Variants in PAM observed in about 807,000 individuals in gnomAD.
PAM encodes the protein peptidyl-glycine alpha-amidating monooxygenase.
Under a neutral mutation model 122.1 loss-of-function variants are expected in PAM, and 72 were observed. That is an observed-to-expected ratio of 0.59 (90% CI 0.49 to 0.72). The LOEUF (loss-of-function observed/expected upper bound fraction) is 0.72. PAM is among the 30% of genes least tolerant of loss of function. The probability of loss-of-function intolerance (pLI) is 0.00; values close to 1 mark genes in which losing one functional copy is unlikely to be tolerated. For synonymous variants in PAM, 389 were observed against 404.4 expected (o/e 0.96, Z 0.46); for missense variants, 1,106 against 1,183.7 (o/e 0.93, Z 0.96).
intron 14 of PAM, among the ~76,000 whole-genome samples, chr5:102,963,323 T>A (rs1181580905): frequency 2.0e-5 from 3 of 151,942 alleles, no homozygotes; most frequent in South Asian, 4.1e-4. Flanking sequence ...GCTGAAAGAG[T>A]ATTTCATTCT....
intron 1 of PAM, among the ~76,000 whole-genome samples, chr5:102,847,772 T>C (rs1780307192): frequency 6.6e-6 from 1 of 152,116 alleles, no homozygotes; most frequent in Non-Finnish European, 1.5e-5. Flanking sequence ...GGTGGAAATA[T>C]CCTAAAGAAA....
intron 16 of PAM, among the ~76,000 whole-genome samples, chr5:102,992,583 C>T (rs1774445270): frequency 6.6e-6 from 1 of 152,104 alleles, no homozygotes; most frequent in Non-Finnish European, 1.5e-5. Flanking sequence ...TCCTAAGTCA[C>T]ATTCTATAAA....
intron 7 of PAM, among the ~76,000 whole-genome samples, chr5:102,933,042 G>A (rs1249068729): frequency 2.0e-5 from 3 of 152,148 alleles, no homozygotes; most frequent in Admixed American, 6.5e-5. Context: ...TAGAGTTCCC[G>A]TCCAGTGAGC....
Position 102,795,861 on chromosome 5 carries a change from A to G in PAM, c.-374+40513A>G, listed in dbSNP as rs376019800. Among the ~76,000 whole-genome samples, 15 of 152,322 alleles carry G rather than the reference A, an allele frequency of 9.8e-5. No individual in the cohort carries two copies. In the South Asian group the frequency reaches 2.7e-3, roughly 27 times the overall value. On this transcript the variant is annotated intron_variant, in intron 1 of 25. Coordinates refer to ENST00000438793, the MANE Select transcript of PAM (RefSeq NM_001177306.2). ...GGGAATCTTTTCCAACCTCATTATC[A>G]GAGAGTTTAGTGCATTTTTTCCTGA...
At chr5:102,757,105 A>G (rs765991401) in intron 1 of PAM, among the ~76,000 whole-genome samples, 3 of 152,184 alleles carry the variant, frequency 2.0e-5, no homozygotes, top group Non-Finnish European at 4.4e-5. Context: ...AGGCGGGCAA[A>G]TCACAAGGTC....
intron 1 of PAM, among the ~76,000 whole-genome samples, chr5:102,832,757 G>T (rs1193298311): frequency 1.3e-5 from 2 of 152,064 alleles, no homozygotes; most frequent in Non-Finnish European, 2.9e-5. Flanking sequence ...ATAAGTCCCA[G>T]GAAACATATT....
chr5:102,967,184 A>G (rs1764344285), intron 14 of PAM, among the ~76,000 whole-genome samples: 1 of 152,188 alleles, frequency 6.6e-6, no homozygotes, highest in African/African-American at 2.4e-5. Context: ...TGATCCACAA[A>G]GCAGTTAATG....
chr5:102,962,927 C>A (rs1296852656), intron 14 of PAM, among the ~76,000 whole-genome samples: 1 of 151,398 alleles, frequency 6.6e-6, no homozygotes, highest in Non-Finnish European at 1.5e-5. Context: ...ATTCTATGGA[C>A]ACATAAGAAA....
intron 21 of PAM, among the ~76,000 whole-genome samples, chr5:103,014,865 G>T (rs1267592177): frequency 6.6e-6 from 1 of 152,104 alleles, no homozygotes; most frequent in Non-Finnish European, 1.5e-5. Context: ...TGTAATCAAA[G>T]GACAGACTTG....
intron 1 of PAM, among the ~76,000 whole-genome samples, chr5:102,795,467 C>G (rs1763170460): frequency 1.3e-5 from 2 of 152,172 alleles, no homozygotes. Flanking sequence ...CAGAGCAACT[C>G]TCGCTGCTTT....
chr5:103,027,020 G>A (rs1785135462), intron 24 of PAM, among the ~76,000 whole-genome samples: 1 of 152,164 alleles, frequency 6.6e-6, no homozygotes, highest in African/African-American at 2.4e-5. Context: ...CTAGAAAATT[G>A]CCATTATTTG....
chr5:102,916,981 A>C (rs1191848868), intron 5 of PAM, among the ~76,000 whole-genome samples: 1 of 151,772 alleles, frequency 6.6e-6, no homozygotes, highest in Non-Finnish European at 1.5e-5. Context: ...TGATTCACCC[A>C]CCTTGGCCTC....
At chr5:103,022,341 G>T (rs1010529273) in intron 23 of PAM, among the ~76,000 whole-genome samples, 4 of 151,894 alleles carry the variant, frequency 2.6e-5, no homozygotes, top group Non-Finnish European at 5.9e-5. Context: ...TGTCTGTGAT[G>T]AACTGGGATA....
At position 103,007,534 on chromosome 5, in the gene PAM, T is replaced by C. The variant is rs749483575; in HGVS notation, c.2092T>C (p.Leu698=). 7 of 1,614,044 alleles carry C rather than the reference T, an allele frequency of 4.3e-6. No individual in the cohort carries two copies. In the South Asian group the frequency reaches 6.6e-5, roughly 15 times the overall value. Reference sequence around the variant, plus strand: ...GGCTCTTGTGCCTCTTTTGGGCCAATTATGTGTGGCAGACCGGGAAAATGG... The same window carrying C: ...GGCTCTTGTGCCTCTTTTGGGCCAACTATGTGTGGCAGACCGGGAAAATGG... ...SLALVPLLGQ[L]CVADRENGRI... Residue 698 remains leucine, a synonymous_variant, in exon 20 of 26, where the codon TTA becomes CTA. Coordinates refer to ENST00000438793, the MANE Select transcript of PAM (RefSeq NM_001177306.2).
intron 1 of PAM, among the ~76,000 whole-genome samples, chr5:102,758,060 G>A (rs1043581245): frequency 1.2e-4 from 8 of 67,400 alleles, no homozygotes; most frequent in East Asian, 4.5e-4. Context: ...AAAAAAAAAA[G>A]ACTTAGAATT....
chr5:102,971,525 G>T lies in PAM; in HGVS notation c.1163-2591G>T, dbSNP rs568938908. Among the ~76,000 whole-genome samples the T allele has an allele frequency of 3.8e-4, 58 of 152,294 alleles. 1 individual carries two copies. The highest frequency in any genetic ancestry group is 1.7e-3 in the South Asian group (8 of 4,826). On this transcript the variant is annotated intron_variant, in intron 14 of 25. Coordinates refer to ENST00000438793, the MANE Select transcript of PAM (RefSeq NM_001177306.2). ...CCCCTGAGTTGAATTGTCAAGAAAG[G>T]CTTTTTTGATGTGACACCTAAGATC...
At chr5:102,795,426 G>A (rs1763160782) in intron 1 of PAM, among the ~76,000 whole-genome samples, 2 of 152,060 alleles carry the variant, frequency 1.3e-5, no homozygotes, top group South Asian at 4.1e-4. Context: ...TGCCGTTTTT[G>A]GAGTACCACT....
At chr5:102,808,600 T>C (rs1177240426) in intron 1 of PAM, among the ~76,000 whole-genome samples, 1 of 152,240 alleles carries the variant, frequency 6.6e-6, no homozygotes, top group African/African-American at 2.4e-5. Flanking sequence ...TGTAAGTATA[T>C]TGTATTGGCA....
chr5:102,867,823 C>T (rs983726049), intron 3 of PAM, among the ~76,000 whole-genome samples: 6 of 152,146 alleles, frequency 3.9e-5, no homozygotes, highest in Admixed American at 2.0e-4. Context: ...GTGTTTACTG[C>T]TAAGAATTTG....
Sources: gnomAD v4.1 joint callset for allele counts (sites outside exome capture counted in the v4.1 genomes callset) on GRCh38, gnomAD v4.1.1 for gene constraint, MANE v1.5 for transcripts, NCBI Gene and HGNC (gene_info 2026-07-23, HGNC 2026-07-21) for gene names.